The following FCSK variants were observed in gnomAD, a reference collection of about 807,000 sequenced individuals.
The protein encoded by FCSK is L-fucose kinase.
In FCSK, 123 loss-of-function variants were observed where a neutral mutation model predicts 122.5. The observed-to-expected ratio is 1.00, with a 90% CI of 0.87 to 1.17. The LOEUF is 1.17. FCSK is among the 50% of genes most tolerant of loss of function. The pLI is 0.00. For missense variants in FCSK, 1,366 were observed against 1,450.4 expected, an observed-to-expected ratio of 0.94 and a Z score of 0.95; for synonymous variants, 620 against 625.5, an observed-to-expected ratio of 0.99 and a Z score of 0.13.
chr16:70,466,964 A>C lies in FCSK; in HGVS notation c.484+10A>C. 1.2e-6 allele frequency: 2 copies of C among 1,612,590 alleles called. No homozygotes were observed. The highest frequency in any genetic ancestry group is 3.3e-5 in the Admixed American group (2 of 60,026). On this transcript the variant is annotated intron_variant, in intron 6 of 23. Coordinates refer to ENST00000288078, the MANE Select transcript of FCSK (RefSeq NM_145059.3). ...GTTCCTGCAAATCCTGGTGAGCCTG[A>C]GACTACCTGGGACTGCCTTCCTTCG... is the stretch of plus-strand genomic sequence containing the variant.
In FCSK at chr16:70,460,862, G is replaced by A. The variant is rs889238995; in HGVS notation, c.-22-2307G>A. ...TGGGAGATTCAGATCGTAGCAGCTG[G>A]GGGCGTCTGTTAGTTACACTCCCTG... On this transcript the variant is annotated intron_variant, in intron 1 of 23. Coordinates refer to ENST00000288078, the MANE Select transcript of FCSK (RefSeq NM_145059.3). Among the ~76,000 whole-genome samples the A allele has an allele frequency of 8.5e-5, 13 of 152,212 alleles. No individual in the cohort carries two copies. The East Asian group carries it at 2.5e-3, about 29-fold the overall frequency.
At position 70,479,774 on chromosome 16, in the gene FCSK, C is replaced by T. The variant is rs1481846626; in HGVS notation, c.*94C>T. The T allele has an allele frequency of 1.7e-5, 15 of 906,840 alleles. No homozygotes were observed. Among genetic ancestry groups the T allele is most frequent in the Non-Finnish European group, 2.0e-5 (12 of 589,926 alleles). 56.2% of individuals were successfully genotyped at this position (906,840 alleles called of 1,614,324 possible). ...GAACCTCCACCTCCTACTCCCCACC[C>T]ACCTCTGCGAATCTGCTCCCAAAGG... On this transcript the variant is annotated 3_prime_UTR_variant, in exon 24 of 24. Coordinates refer to ENST00000288078, the MANE Select transcript of FCSK (RefSeq NM_145059.3).
intron 1 of FCSK, chr16:70,462,061 A>G (rs1296081734): frequency 6.6e-6 from 1 of 152,272 alleles, no homozygotes; most frequent in African/African-American, 2.4e-5. Flanking sequence ...GGCCACAGAT[A>G]TGTACAATGA....
At chr16:70,457,657 C>T (rs1031944123) in intron 1 of FCSK, among the ~76,000 whole-genome samples, 1 of 151,956 alleles carries the variant, frequency 6.6e-6, no homozygotes, top group African/African-American at 2.4e-5. Flanking sequence ...TTACTGCAAC[C>T]TCTGCCCCCA....
intron 10 of FCSK, among the ~76,000 whole-genome samples, 193 bp from the exon 11 acceptor site, chr16:70,470,121 G>A (rs2048563780): frequency 1.3e-5 from 2 of 152,204 alleles, no homozygotes; most frequent in Non-Finnish European, 1.5e-5. Context: ...GGGATTACAG[G>A]CGTGAGCCAC....
Position 70,467,896 on chromosome 16 carries a change from TG to T in FCSK, c.595del (p.Asp199ThrfsTer39). On this transcript the variant is annotated frameshift_variant, in exon 8 of 24. Coordinates refer to ENST00000288078, the MANE Select transcript of FCSK (RefSeq NM_145059.3). LOFTEE classifies it high-confidence loss of function. The part of the protein sequence containing the change: ...VYLTDPQGLV[L>X]DIYYQGTEAE... ...TCTCCCTGCACATAGGGCCTTGTTTTGGACATTTACTACCAGGGCACTGAGG... is the reference window on the plus strand; with the variant it reads ...TCTCCCTGCACATAGGGCCTTGTTTTGACATTTACTACCAGGGCACTGAGG... 6.2e-7 allele frequency: 1 copy of T among 1,614,126 alleles called. No individual in the cohort carries two copies. Among genetic ancestry groups the T allele is most frequent in the Non-Finnish European group, 8.5e-7 (1 of 1,179,966 alleles).
In FCSK at chr16:70,473,155, C is replaced by T. The variant is rs1377077648; in HGVS notation, c.1579C>T (p.Arg527Cys). Residue 527 changes from arginine to cysteine, a missense_variant, in exon 15 of 24, where the codon CGC becomes TGC. By Grantham distance (180) the Arg-to-Cys change is radical (BLOSUM62 -3). Coordinates refer to ENST00000288078, the MANE Select transcript of FCSK (RefSeq NM_145059.3). This position sits in a 1 kb window ranked among gnomAD's most constrained non-coding sequence, Gnocchi z 4.9. ...EALRAWRASW[R>C]LSWEQLQPCL... ...CCTGCGAGCCTGGCGGGCCTCCTGG[C>T]GCCTGTCCTGGGAGCAGCTGCAGCC... 2.6e-5 allele frequency: 41 copies of T among 1,549,384 alleles called. No homozygotes were observed. The highest frequency in any genetic ancestry group is 3.6e-5 in the South Asian group (3 of 84,424).
In FCSK at chr16:70,473,196, T is replaced by C. The variant is rs1315645405; in HGVS notation, c.1620T>C (p.Ala540=). ...WEQLQPCLDR[A]ATLASRRDLF... Reference sequence around the variant, plus strand: ...AGCTGCAGCCGTGCCTGGATCGGGCTGCCACGCTGGCCTCTCGCCGGGACC... The same window carrying C: ...AGCTGCAGCCGTGCCTGGATCGGGCCGCCACGCTGGCCTCTCGCCGGGACC... The change falls in exon 15 of 24, where the codon GCT becomes GCC. Residue 540 remains alanine (A), a synonymous_variant. Coordinates refer to ENST00000288078, the MANE Select transcript of FCSK (RefSeq NM_145059.3). The surrounding 1 kb of genome is among the most constrained non-coding windows in gnomAD (Gnocchi z 4.9). The C allele has an allele frequency of 2.0e-5, 31 of 1,538,416 alleles. No homozygotes were observed. Among genetic ancestry groups the C allele is most frequent in the African/African-American group, 2.7e-5 (2 of 73,010 alleles).
At position 70,463,631 on chromosome 16, in the gene FCSK, G is replaced by A. The variant is rs140143924; in HGVS notation, c.91G>A (p.Val31Met). 235 of 1,613,622 alleles carry A rather than the reference G, an allele frequency of 1.5e-4. No homozygotes were observed. Among genetic ancestry groups the A allele is most frequent in the Non-Finnish European group, 1.9e-4 (226 of 1,180,012 alleles). ...SVQVFQRELE[V>M]RQKREQIPAG... ...GTCTCTTCTGACCCTAGAACTGGAA[G>A]TGCGGCAGAAGCGGGAGCAGATCCC... The change falls in exon 3 of 24, where the codon GTG becomes ATG. Residue 31 changes from valine (V) to methionine (M), a missense_variant. Coordinates refer to ENST00000288078, the MANE Select transcript of FCSK (RefSeq NM_145059.3).
intron 6 of FCSK, 89 bp from the exon 7 acceptor site, chr16:70,467,285 G>T: frequency 1.2e-6 from 1 of 862,620 alleles, no homozygotes; most frequent in Non-Finnish European, 1.8e-6. Flanking sequence ...CCCAGGTGCC[G>T]CAGCCCTGGG....
At chr16:70,471,389 C>T in intron 13 of FCSK, 37 bp downstream of exon 13, 1 of 1,518,148 alleles carries the variant, frequency 6.6e-7, no homozygotes, top group Non-Finnish European at 8.9e-7. Context: ...CCCCCATCTT[C>T]AGGCTTTGGG....
At chr16:70,467,295 G>A (rs892684665) in intron 6 of FCSK, 79 bp from the exon 7 acceptor site, 8 of 995,094 alleles carry the variant, frequency 8.0e-6, no homozygotes, top group African/African-American at 3.2e-5. Flanking sequence ...GCAGCCCTGG[G>A]CTCTTGCTTC....
In FCSK at chr16:70,470,988, G is replaced by A. The variant is rs762697073; in HGVS notation, c.1086G>A (p.Ala362=). The change falls in exon 12 of 24, where the codon GCG becomes GCA. Residue 362 remains alanine (A), a synonymous_variant. Transcript: ENST00000288078. The stretch of plus-strand genomic sequence containing the variant: ...CTGCACAGGAGCAGCAGCTTCTGGC[G>A]GCCGGGAGCTCTGTGGTCAGCTGCC... The part of the protein sequence containing the change: ...HSQVEEQQLL[A]AGSSVVSCLL... 89 of 1,593,446 alleles carry A rather than the reference G, an allele frequency of 5.6e-5. No homozygotes were observed. Among genetic ancestry groups the A allele is most frequent in the African/African-American group, 9.4e-5 (7 of 74,758 alleles).
intron 1 of FCSK, among the ~76,000 whole-genome samples, chr16:70,458,139 T>C (rs1481690334): frequency 5.3e-5 from 8 of 151,320 alleles, no homozygotes; most frequent in Admixed American, 5.3e-4. Context: ...GTGGCTATTA[T>C]TAATTTTTTT....
chr16:70,466,019 C>A (rs959488386), intron 4 of FCSK, 113 bp from the exon 5 acceptor site: 8 of 1,090,646 alleles, frequency 7.3e-6, no homozygotes, highest in South Asian at 1.5e-5. Flanking sequence ...GAGAAAATAT[C>A]AAGAGAACAT....
chr16:70,469,007 G>C (rs2048521966), intron 9 of FCSK, 39 bp downstream of exon 9: 1 of 1,610,180 alleles, frequency 6.2e-7, no homozygotes, highest in African/African-American at 1.3e-5. Flanking sequence ...CCTGGCTTGG[G>C]GGCGAGGCAC....
chr16:70,472,399 C>T (rs1196829692), intron 13 of FCSK, 142 bp from the exon 14 acceptor site: 1 of 613,804 alleles, frequency 1.6e-6, no homozygotes, highest in Non-Finnish European at 2.8e-6. Context: ...CACTGCACTC[C>T]AGCCTGGGTG....
intron 22 of FCSK, chr16:70,478,928 G>C: frequency 1.4e-6 from 1 of 693,306 alleles, no homozygotes; most frequent in Non-Finnish European, 2.6e-6. Flanking sequence ...GTCTGAGCTG[G>C]GCAGGGTCCC....
Position 70,467,390 on chromosome 16 carries a change from C to G in FCSK, c.501C>G (p.Ser167Arg), listed in dbSNP as rs756276274. ...VPANPGISWD[S>R]FRGARVIALP... ...ACCCCACAGGTATCAGCTGGGACAG[C>G]TTCCGGGGAGCCAGAGTGATCGCCC... The change falls in exon 7 of 24, where the codon AGC (serine) becomes AGG (arginine). Residue 167 changes from serine (S) to arginine (R), a missense_variant. Coordinates refer to ENST00000288078, the MANE Select transcript of FCSK (RefSeq NM_145059.3). 8 of 1,609,514 alleles carry G rather than the reference C, an allele frequency of 5.0e-6. No individual in the cohort carries two copies. The African/African-American group carries it at 1.1e-4, about 22-fold the overall frequency.
Sources: gnomAD v4.1 joint callset for allele counts (sites outside exome capture counted in the v4.1 genomes callset) on GRCh38, gnomAD v4.1.1 for gene constraint, Gnocchi (gnomAD v3.1) non-coding constraint, MANE v1.5 for transcripts, NCBI Gene and HGNC (gene_info 2026-07-23, HGNC 2026-07-21) for gene names.